The following NDST4 variants were observed in gnomAD, a reference collection of about 807,000 sequenced individuals.
The protein encoded by NDST4 is N-deacetylase and N-sulfotransferase 4.
NDST4 carries 63 observed loss-of-function variants against 100.8 expected under a neutral mutation model. The observed-to-expected ratio is 0.62, with a 90% CI of 0.51 to 0.77. The LOEUF (loss-of-function observed/expected upper bound fraction) is 0.77. Among genes scored for constraint, NDST4 ranks in the 30% least tolerant of loss-of-function variants. The probability of loss-of-function intolerance (pLI) is 0.00; values close to 1 mark genes in which losing one functional copy is unlikely to be tolerated. For missense variants in NDST4, 943 were observed against 1,018.4 expected (o/e 0.93, Z 1.01); for synonymous variants, 377 against 361.8 (o/e 1.04, Z -0.48).
In NDST4 at chr4:114,937,332, G is replaced by A; in HGVS notation, c.1393C>T (p.His465Tyr). 1.2e-6 allele frequency: 2 copies of A among 1,614,086 alleles called. No individual in the cohort carries two copies. Among genetic ancestry groups the A allele is most frequent in the Non-Finnish European group, 1.7e-6 (2 of 1,179,978 alleles). The change falls in exon 5 of 14, where the codon CAC becomes TAC. Residue 465 changes from histidine (H) to tyrosine (Y), a missense_variant. His to Tyr is a moderately conservative substitution (Grantham distance 83). Transcript: ENST00000264363. ...TCTGTGCTCACCATGATGCTATTGT[G>A]AATGAAGCCCTTTCTGTACCGGGCA... ...KPARYRKGFI[H>Y]NSIMVLPRQT...
At chr4:115,031,691 A>G (rs1728119487) in intron 2 of NDST4, among the ~76,000 whole-genome samples, 1 of 152,066 alleles carries the variant, frequency 6.6e-6, no homozygotes. Context: ...CTCCAAACAG[A>G]AGAGAGTGAA....
chr4:115,084,323 C>T (rs972586542), intron 1 of NDST4, among the ~76,000 whole-genome samples: 19 of 151,962 alleles, frequency 1.3e-4, no homozygotes, highest in Non-Finnish European at 1.9e-4. Context: ...CAAGAGGAAG[C>T]GAAGCATGAA....
At chr4:115,095,879 T>A (rs1292448349) in intron 1 of NDST4, among the ~76,000 whole-genome samples, 1 of 152,056 alleles carries the variant, frequency 6.6e-6, no homozygotes, top group Non-Finnish European at 1.5e-5. Flanking sequence ...TTAATAATAT[T>A]TCATATATTG....
At chr4:114,952,120 A>G (rs1408918339) in intron 4 of NDST4, among the ~76,000 whole-genome samples, 3 of 152,142 alleles carry the variant, frequency 2.0e-5, no homozygotes, top group Non-Finnish European at 2.9e-5. Context: ...CAGAATGATC[A>G]AGTAAAGCAG....
chr4:115,034,783 C>G (rs1216861713), intron 2 of NDST4, among the ~76,000 whole-genome samples: 1 of 152,036 alleles, frequency 6.6e-6, no homozygotes, highest in Non-Finnish European at 1.5e-5. Flanking sequence ...TGATTACTGA[C>G]CATGGCAGTA....
intron 6 of NDST4, among the ~76,000 whole-genome samples, chr4:114,920,080 T>C (rs1389394566): frequency 6.6e-6 from 1 of 152,144 alleles, no homozygotes; most frequent in Non-Finnish European, 1.5e-5. Context: ...TGGGCTTCTT[T>C]TTCAAAATTT....
intron 7 of NDST4, among the ~76,000 whole-genome samples, chr4:114,854,064 T>C (rs940718524): frequency 2.6e-5 from 4 of 152,196 alleles, no homozygotes; most frequent in Admixed American, 6.5e-5. Context: ...ATTTTATTCA[T>C]TCGATCTAAC....
chr4:114,957,006 T>C (rs572086195), intron 4 of NDST4, among the ~76,000 whole-genome samples: 8 of 152,278 alleles, frequency 5.3e-5, no homozygotes, highest in African/African-American at 1.7e-4. Flanking sequence ...ATTTCAAATT[T>C]GTTCAAAGAA....
At chr4:115,032,271 C>T (rs916652095) in intron 2 of NDST4, among the ~76,000 whole-genome samples, 2 of 152,024 alleles carry the variant, frequency 1.3e-5, no homozygotes, top group East Asian at 1.9e-4. Flanking sequence ...ATCCGAAAAA[C>T]GGTAATAGTC....
chr4:114,863,312 T>C (rs1011009828), intron 7 of NDST4, among the ~76,000 whole-genome samples: 6 of 152,262 alleles, frequency 3.9e-5, no homozygotes, highest in African/African-American at 1.2e-4. Flanking sequence ...ATTTAGGCCC[T>C]GCTGAAGGTC....
At chr4:115,095,449 A>G (rs1729601113) in intron 1 of NDST4, among the ~76,000 whole-genome samples, 1 of 152,072 alleles carries the variant, frequency 6.6e-6, no homozygotes, top group Non-Finnish European at 1.5e-5. Flanking sequence ...GCTCTCTGGT[A>G]TATGTTTTCT....
At chr4:115,020,465 T>C (rs1727785260) in intron 2 of NDST4, among the ~76,000 whole-genome samples, 2 of 152,068 alleles carry the variant, frequency 1.3e-5, no homozygotes, top group South Asian at 4.1e-4. Context: ...AAATCACACA[T>C]AGGAAAAACC....
chr4:115,086,354 C>A (rs896041654), intron 1 of NDST4, among the ~76,000 whole-genome samples: 1 of 151,974 alleles, frequency 6.6e-6, no homozygotes, highest in South Asian at 2.1e-4. Context: ...TAATCAAAAT[C>A]GAGGTAGTAT....
intron 2 of NDST4, among the ~76,000 whole-genome samples, chr4:115,028,239 A>G (rs1409137758): frequency 6.6e-6 from 1 of 152,108 alleles, no homozygotes; most frequent in Non-Finnish European, 1.5e-5. Context: ...AACTCTTAGG[A>G]TTCTTACCAC....
At chr4:114,844,513 C>T (rs1723502431) in intron 10 of NDST4, among the ~76,000 whole-genome samples, 1 of 152,176 alleles carries the variant, frequency 6.6e-6, no homozygotes, top group African/African-American at 2.4e-5. Context: ...TCCTCTACTC[C>T]ACCTTTCTTC....
At chr4:115,104,714 T>A (rs1436853954) in intron 1 of NDST4, among the ~76,000 whole-genome samples, 1 of 152,046 alleles carries the variant, frequency 6.6e-6, no homozygotes, top group Non-Finnish European at 1.5e-5. Flanking sequence ...TAAGTTAGAT[T>A]CAATGTTATT....
chr4:115,062,437 C>T (rs576663715), intron 2 of NDST4, among the ~76,000 whole-genome samples: 1 of 151,600 alleles, frequency 6.6e-6, no homozygotes, highest in East Asian at 1.9e-4. Context: ...CTAGAGGTGA[C>T]AAAATATACA....
At chr4:114,982,222 G>C (rs1023146958) in intron 2 of NDST4, among the ~76,000 whole-genome samples, 1 of 152,182 alleles carries the variant, frequency 6.6e-6, no homozygotes. Flanking sequence ...AGTTGGAACA[G>C]TTTGAAGGGT....
At chr4:115,105,402 G>A (rs1729814878) in intron 1 of NDST4, among the ~76,000 whole-genome samples, 1 of 151,834 alleles carries the variant, frequency 6.6e-6, no homozygotes, top group Non-Finnish European at 1.5e-5. Context: ...TTTATAAAAT[G>A]GTACATCTTA....
Sources: gnomAD v4.1 joint callset for allele counts (sites outside exome capture counted in the v4.1 genomes callset) on GRCh38, gnomAD v4.1.1 for gene constraint, MANE v1.5 for transcripts, NCBI Gene and HGNC (gene_info 2026-07-23, HGNC 2026-07-21) for gene names.